PRKAR1B: variants seen among roughly 807,000 people sequenced by gnomAD.
The protein encoded by PRKAR1B is cAMP-dependent protein kinase type I-beta regulatory subunit.
In PRKAR1B, 22 loss-of-function variants were observed where a neutral mutation model predicts 46.5. The observed-to-expected ratio is 0.47, with a 90% CI of 0.34 to 0.68. PRKAR1B has a LOEUF of 0.68. Among genes scored for constraint, PRKAR1B ranks in the 30% least tolerant of loss-of-function variants. The probability of loss-of-function intolerance (pLI) is 0.01; values close to 1 mark genes in which losing one functional copy is unlikely to be tolerated. For missense variants in PRKAR1B, 445 were observed against 535.6 expected, an observed-to-expected ratio of 0.83 and a Z score of 1.67; for synonymous variants, 259 against 217.7, an observed-to-expected ratio of 1.19 and a Z score of -1.67.
At chr7:553,773 C>T (rs900536007) in intron 9 of PRKAR1B, among the ~76,000 whole-genome samples, 14 of 152,376 alleles carry the variant, frequency 9.2e-5, no homozygotes, top group East Asian at 1.9e-4. Context: ...TGCTGGTGCC[C>T]GCCACGCCTA....
intron 4 of PRKAR1B, among the ~76,000 whole-genome samples, chr7:624,911 A>G (rs779789537): frequency 2.6e-4 from 40 of 152,256 alleles, no homozygotes; most frequent in Non-Finnish European, 2.2e-4. Context: ...ATCAGTTAAC[A>G]GGAAATAATT....
At chr7:621,347 T>G (rs1783099449) in intron 4 of PRKAR1B, among the ~76,000 whole-genome samples, 1 of 152,258 alleles carries the variant, frequency 6.6e-6, no homozygotes, top group Non-Finnish European at 1.5e-5. Context: ...GTGCCAATGT[T>G]GATGGTATTT....
intron 2 of PRKAR1B, among the ~76,000 whole-genome samples, chr7:694,234 G>A (rs1779601331): frequency 6.6e-6 from 1 of 152,116 alleles, no homozygotes; most frequent in Admixed American, 6.5e-5. Flanking sequence ...GCAGTGAGCT[G>A]AAATCGCACC....
chr7:563,414 T>A (rs1778928697), intron 9 of PRKAR1B, among the ~76,000 whole-genome samples: 1 of 152,284 alleles, frequency 6.6e-6, no homozygotes, highest in African/African-American at 2.4e-5. Context: ...GAGCCCAGGC[T>A]GTGCACTGTC....
At chr7:673,710 A>G (rs111382192) in intron 4 of PRKAR1B, among the ~76,000 whole-genome samples, 4,158 of 152,034 alleles carry the variant, frequency 0.027, 196 homozygotes, top group African/African-American at 0.095. Flanking sequence ...GACCAGGTTC[A>G]CCACTGCCAG....
chr7:577,493 C>T (rs1001805254), intron 9 of PRKAR1B, among the ~76,000 whole-genome samples: 3 of 152,160 alleles, frequency 2.0e-5, no homozygotes, highest in Non-Finnish European at 2.9e-5. Context: ...GTCAGACACA[C>T]GGGAGCATAC....
In PRKAR1B at chr7:724,216, C is replaced by T. The variant is rs66886645; in HGVS notation, c.-23+2994G>A. ...TCCAACACTCCCCGTCTCCCACCTC[C>T]GCCCTTTCACCTGGCTATGTGACAT... On this transcript the variant is annotated intron_variant, in intron 1 of 10. Coordinates refer to ENST00000537384, the MANE Select transcript of PRKAR1B (RefSeq NM_001164760.2). 2.3e-4 allele frequency among the ~76,000 whole-genome samples: 35 copies of T among 152,070 alleles called. No individual in the cohort carries two copies. The Middle Eastern group carries it at 0.01, about 45-fold the overall frequency.
intron 6 of PRKAR1B, among the ~76,000 whole-genome samples, chr7:601,730 GC>G (rs894669929): frequency 6.6e-6 from 1 of 152,228 alleles, no homozygotes; most frequent in Non-Finnish European, 1.5e-5. Context: ...TCACGGGACA[GC>G]CCCATAAGTC....
chr7:560,816 G>A lies in PRKAR1B; in HGVS notation c.892-9346C>T, dbSNP rs747919993. Among the ~76,000 whole-genome samples the A allele has an allele frequency of 6.6e-6, 1 of 152,314 alleles. No individual in the cohort carries two copies. Among genetic ancestry groups the A allele is most frequent in the East Asian group, 1.9e-4 (1 of 5,188 alleles). On this transcript the variant is annotated intron_variant, in intron 9 of 10. Transcript: ENST00000537384. This position sits in a 1 kb window ranked among gnomAD's most constrained non-coding sequence, Gnocchi z 4.2. The stretch of plus-strand genomic sequence containing the variant: ...ACGGGACAGTCATCATGAGGGCGGC[G>A]GCCATGAGTGAACGTAAGAGTGGAC...
chr7:711,231 C>T, intron 2 of PRKAR1B, 98 bp downstream of exon 2: 1 of 1,497,164 alleles, frequency 6.7e-7, no homozygotes. Context: ...GGGCACCCAG[C>T]CTTCGAGGAC....
intron 7 of PRKAR1B, among the ~76,000 whole-genome samples, chr7:595,235 G>T (rs1781205906): frequency 6.6e-6 from 1 of 152,168 alleles, no homozygotes; most frequent in African/African-American, 2.4e-5. Context: ...CACGCTCCTG[G>T]GCTGCTTCCG....
At chr7:712,007 G>A (rs549333820) in intron 1 of PRKAR1B, among the ~76,000 whole-genome samples, 1 of 142,178 alleles carries the variant, frequency 7.0e-6, no homozygotes, top group Non-Finnish European at 1.5e-5. Context: ...GGCTGGGGCG[G>A]CCTCTGCACA....
chr7:660,518 C>G (rs1227212622), intron 4 of PRKAR1B, among the ~76,000 whole-genome samples: 21 of 119,458 alleles, frequency 1.8e-4, no homozygotes, highest in East Asian at 9.0e-4. Flanking sequence ...TACCTACTCT[C>G]CCCCCCATGG....
chr7:703,401 C>A (rs1287248333), intron 2 of PRKAR1B, among the ~76,000 whole-genome samples: 1 of 152,182 alleles, frequency 6.6e-6, no homozygotes, highest in Admixed American at 6.5e-5. Context: ...AATCCCACCA[C>A]TTTGGGAGGT....
intron 4 of PRKAR1B, among the ~76,000 whole-genome samples, chr7:643,809 T>C (rs1394712849): frequency 6.6e-6 from 1 of 151,744 alleles, no homozygotes; most frequent in East Asian, 1.9e-4. Context: ...GAGGCGGCCA[T>C]GTTGTGAGGG....
At chr7:581,407 C>G (rs1439646679) in intron 8 of PRKAR1B, among the ~76,000 whole-genome samples, 1 of 151,656 alleles carries the variant, frequency 6.6e-6, no homozygotes, top group Non-Finnish European at 1.5e-5. Flanking sequence ...GCACACCTGA[C>G]AATTAAATGA....
At chr7:707,661 G>C (rs1780399658) in intron 2 of PRKAR1B, among the ~76,000 whole-genome samples, 1 of 152,164 alleles carries the variant, frequency 6.6e-6, no homozygotes, top group Admixed American at 6.5e-5. Context: ...CCTTGGTCCA[G>C]GATGACTAGT....
At chr7:559,737 C>G (rs896293093) in intron 9 of PRKAR1B, among the ~76,000 whole-genome samples, 4 of 152,192 alleles carry the variant, frequency 2.6e-5, no homozygotes, top group African/African-American at 9.7e-5. Flanking sequence ...CCCCAAGTCC[C>G]TTATGTGAAG....
At chr7:624,717 G>A (rs1783290915) in intron 4 of PRKAR1B, among the ~76,000 whole-genome samples, 1 of 152,146 alleles carries the variant, frequency 6.6e-6, no homozygotes, top group African/African-American at 2.4e-5. Flanking sequence ...GGGTCATAAG[G>A]CAAAATCTGA....
Sources: gnomAD v4.1 joint callset for allele counts (sites outside exome capture counted in the v4.1 genomes callset) on GRCh38, gnomAD v4.1.1 for gene constraint, Gnocchi (gnomAD v3.1) non-coding constraint, MANE v1.5 for transcripts, NCBI Gene and HGNC (gene_info 2026-07-23, HGNC 2026-07-21) for gene names.